FRMD5: variants seen among roughly 807,000 people sequenced by gnomAD.
FRMD5 encodes the protein FERM domain containing 5.
In FRMD5, 20 loss-of-function variants were observed where a neutral mutation model predicts 69.0. The observed-to-expected ratio is 0.29, with a 90% CI of 0.20 to 0.42. FRMD5 has a LOEUF of 0.42. Ranked by LOEUF, FRMD5 falls within the 10% of genes least tolerant of loss-of-function variation. The probability of loss-of-function intolerance (pLI) is 1.00; values close to 1 mark genes in which losing one functional copy is unlikely to be tolerated. For synonymous variants in FRMD5, 271 were observed against 260.1 expected (o/e 1.04, Z -0.40); for missense variants, 595 against 708.6 (o/e 0.84, Z 1.82).
intron 1 of FRMD5, among the ~76,000 whole-genome samples, chr15:43,949,855 A>T (rs149190065): frequency 9.1e-4 from 138 of 152,252 alleles, no homozygotes; most frequent in Non-Finnish European, 1.8e-3. Flanking sequence ...TGCTGCATAC[A>T]TATTTGGAGA....
intron 1 of FRMD5, among the ~76,000 whole-genome samples, chr15:44,032,788 G>C (rs1004466842): frequency 3.3e-5 from 5 of 152,300 alleles, no homozygotes; most frequent in Admixed American, 1.3e-4. Context: ...GTGGAAAGCA[G>C]TATGGCAATT....
At position 44,126,618 on chromosome 15, in the gene FRMD5, TC is replaced by T. The variant is rs550942942; in HGVS notation, c.102+68334del. Reference sequence around the variant, plus strand: ...GCCAATTCCAATCTGAGTTTCACATTCTTATTGCCACACTCCAAGGACCCTC... The same window carrying T: ...GCCAATTCCAATCTGAGTTTCACATTTTATTGCCACACTCCAAGGACCCTC... On this transcript the variant is annotated intron_variant, in intron 1 of 13. Transcript: ENST00000417257. 2.4e-4 allele frequency among the ~76,000 whole-genome samples: 37 copies of T among 152,250 alleles called. 1 individual carries two copies. In the East Asian group the frequency reaches 7.1e-3, roughly 29 times the overall value.
rs1456244772 is a variant in FRMD5 at position 43,944,955 on chromosome 15, ATTTT to A, written c.103-20650_103-20647del. ...TGGGTTTCTATAAGTTTATTTATTT[ATTTT>A]TTTTTTTTTTGATAGAGGGGGGGTT... On this transcript the variant is annotated intron_variant, in intron 1 of 13. Coordinates refer to ENST00000417257, the MANE Select transcript of FRMD5 (RefSeq NM_032892.5). Among the ~76,000 whole-genome samples the A allele has an allele frequency of 7.2e-5, 10 of 139,034 alleles. No homozygotes were observed. In the Admixed American group the frequency reaches 7.2e-4, roughly 10 times the overall value. The allele number at this position is 139,034 out of a possible 152,430, so 91.2% of individuals were successfully genotyped here.
intron 1 of FRMD5, among the ~76,000 whole-genome samples, chr15:44,079,791 T>C (rs1893922576): frequency 6.6e-6 from 1 of 152,080 alleles, no homozygotes; most frequent in African/African-American, 2.4e-5. Flanking sequence ...GGAAATGGAA[T>C]ATTATTCAGT....
chr15:43,960,408 C>G (rs2090180066), intron 1 of FRMD5, among the ~76,000 whole-genome samples: 1 of 152,218 alleles, frequency 6.6e-6, no homozygotes, highest in African/African-American at 2.4e-5. Context: ...TGCCACCACA[C>G]CTGGCTAATT....
chr15:44,026,168 A>G (rs1402611028), intron 1 of FRMD5, among the ~76,000 whole-genome samples: 1 of 152,276 alleles, frequency 6.6e-6, no homozygotes, highest in African/African-American at 2.4e-5. Flanking sequence ...TTTGGTAGAG[A>G]CAGGGTTTCG....
chr15:43,991,535 T>C (rs1367096080), intron 1 of FRMD5, among the ~76,000 whole-genome samples: 2 of 152,210 alleles, frequency 1.3e-5, no homozygotes, highest in East Asian at 1.9e-4. Flanking sequence ...ATATTCATTA[T>C]AAAAATCCAT....
At chr15:43,977,323 C>T (rs1397979406) in intron 1 of FRMD5, among the ~76,000 whole-genome samples, 2 of 152,156 alleles carry the variant, frequency 1.3e-5, no homozygotes, top group East Asian at 3.8e-4. Context: ...GAAACACAGT[C>T]ACCAAGGTGG....
At chr15:44,008,386 C>T (rs1890557615) in intron 1 of FRMD5, among the ~76,000 whole-genome samples, 1 of 151,950 alleles carries the variant, frequency 6.6e-6, no homozygotes, top group African/African-American at 2.4e-5. Flanking sequence ...GCCTCAGCCT[C>T]CCAAGTAGCT....
intron 1 of FRMD5, among the ~76,000 whole-genome samples, chr15:44,131,242 C>A (rs1158937397): frequency 1.3e-5 from 2 of 151,924 alleles, no homozygotes; most frequent in African/African-American, 4.8e-5. Flanking sequence ...ATAAAAAATA[C>A]AATGAAATAC....
rs114284719 is a variant in FRMD5, at chr15:44,049,403, C to A, written c.103-125094G>T. 7.4e-3 allele frequency among the ~76,000 whole-genome samples: 1,125 copies of A among 152,250 alleles called. 21 individuals are homozygous for A. The highest frequency in any genetic ancestry group is 0.026 in the African/African-American group (1,075 of 41,550). The stretch of plus-strand genomic sequence containing the variant: ...GCTGGACAGTGGGCTCCTTAAAAAA[C>A]AGAGTAACCCTAGTGAATAAAGGGC... On this transcript the variant is annotated intron_variant, in intron 1 of 13. Coordinates refer to ENST00000417257, the MANE Select transcript of FRMD5 (RefSeq NM_032892.5).
At chr15:44,063,069 T>A (rs1893160703) in intron 1 of FRMD5, among the ~76,000 whole-genome samples, 1 of 152,224 alleles carries the variant, frequency 6.6e-6, no homozygotes, top group Admixed American at 6.5e-5. Flanking sequence ...TTTTTCAAAA[T>A]TGTTTTGGCT....
intron 1 of FRMD5, among the ~76,000 whole-genome samples, chr15:44,020,923 A>T (rs989208236): frequency 6.6e-6 from 1 of 152,236 alleles, no homozygotes; most frequent in African/African-American, 2.4e-5. Context: ...CATCATTTAG[A>T]TATAATAGAT....
intron 1 of FRMD5, among the ~76,000 whole-genome samples, chr15:44,182,947 C>T (rs1041190811): frequency 3.9e-5 from 6 of 151,988 alleles, no homozygotes; most frequent in Non-Finnish European, 8.8e-5. Context: ...AGGCGCCTGC[C>T]ACCACGCCAG....
At chr15:44,084,886 G>A (rs935289880) in intron 1 of FRMD5, among the ~76,000 whole-genome samples, 1 of 152,026 alleles carries the variant, frequency 6.6e-6, no homozygotes, top group African/African-American at 2.4e-5. Flanking sequence ...CATTCCCCAT[G>A]GGCAATTATA....
In FRMD5 at chr15:43,893,106, AAAAAC is replaced by A. The variant is rs377404518; in HGVS notation, c.640-1042_640-1038del. 9.0e-3 allele frequency among the ~76,000 whole-genome samples: 1,367 copies of A among 151,572 alleles called. 37 individuals are homozygous for A. Among genetic ancestry groups the A allele is most frequent in the East Asian group, 0.089 (456 of 5,096 alleles). On this transcript the variant is annotated intron_variant, in intron 7 of 13. Coordinates refer to ENST00000417257, the MANE Select transcript of FRMD5 (RefSeq NM_032892.5). ...GTGACGGAGTGAGACTCCATCTCAA[AAAAAC>A]AAAACAAACGAAAAAACAAAAAAAA...
intron 1 of FRMD5, among the ~76,000 whole-genome samples, chr15:44,036,502 G>T (rs1442632653): frequency 6.6e-6 from 1 of 152,140 alleles, no homozygotes; most frequent in East Asian, 1.9e-4. Context: ...ACTGCTATTT[G>T]CATGGCTGTG....
At chr15:44,011,547 T>C (rs1890722387) in intron 1 of FRMD5, among the ~76,000 whole-genome samples, 1 of 152,094 alleles carries the variant, frequency 6.6e-6, no homozygotes. Context: ...CTGTTGGAAA[T>C]GTGCGACTGA....
chr15:44,012,761 G>GTT lies in FRMD5; in HGVS notation c.103-88454_103-88453dup, dbSNP rs35690752. 5.6e-3 allele frequency among the ~76,000 whole-genome samples: 671 copies of GTT among 120,708 alleles called. 2 individuals are homozygous for GTT. Among genetic ancestry groups the GTT allele is most frequent in the East Asian group, 8.5e-3 (35 of 4,108 alleles). The allele number at this position is 120,708 out of a possible 152,430, so 79.2% of individuals were successfully genotyped here. On this transcript the variant is annotated intron_variant, in intron 1 of 13. Coordinates refer to ENST00000417257, the MANE Select transcript of FRMD5 (RefSeq NM_032892.5). ...TTATTGGTTACTGGCAAGTTATTGGGTTTTTTTTTTTTTTTTTTTTTTGAG... is the reference window on the plus strand; with the variant it reads ...TTATTGGTTACTGGCAAGTTATTGGGTTTTTTTTTTTTTTTTTTTTTTTTGAG...
Sources: gnomAD v4.1 joint callset for allele counts (sites outside exome capture counted in the v4.1 genomes callset) on GRCh38, gnomAD v4.1.1 for gene constraint, MANE v1.5 for transcripts, NCBI Gene and HGNC (gene_info 2026-07-23, HGNC 2026-07-21) for gene names.